NCK1: variants seen among roughly 807,000 people sequenced by gnomAD.
The protein encoded by NCK1 is SH2/SH3 adapter protein NCK1.
A neutral mutation model predicts 36.6 loss-of-function variants in NCK1; 19 were observed. That is an observed-to-expected ratio of 0.52 (90% CI 0.36 to 0.76). NCK1 has a LOEUF of 0.76. NCK1 is among the 30% of genes least tolerant of loss of function. The pLI is 0.00. For synonymous variants in NCK1, 165 were observed against 156.0 expected (o/e 1.06, Z -0.43); for missense variants, 358 against 445.6 (o/e 0.80, Z 1.77).
At chr3:136,890,474 C>A (rs1014342266) in intron 1 of NCK1, among the ~76,000 whole-genome samples, 3 of 152,224 alleles carry the variant, frequency 2.0e-5, no homozygotes, top group African/African-American at 7.2e-5. Flanking sequence ...CTGAAGGGCT[C>A]CTCAAGTGCT....
chr3:136,932,938 A>G (rs1940431586), intron 2 of NCK1, among the ~76,000 whole-genome samples: 1 of 152,264 alleles, frequency 6.6e-6, no homozygotes, highest in African/African-American at 2.4e-5. Flanking sequence ...TGCTTAAACT[A>G]AAGAATACTG....
chr3:136,945,500 C>G, intron 2 of NCK1, 83 bp from the exon 3 acceptor site: 2 of 987,634 alleles, frequency 2.0e-6, no homozygotes, highest in Non-Finnish European at 3.0e-6. Flanking sequence ...AGTTGAAGAT[C>G]TCTTTTTAAT....
intron 1 of NCK1, among the ~76,000 whole-genome samples, chr3:136,909,309 C>G (rs974544620): frequency 2.0e-5 from 3 of 152,016 alleles, no homozygotes; most frequent in Non-Finnish European, 2.9e-5. Context: ...CTTAAAAATA[C>G]GTAGAAGTTT....
chr3:136,871,267 G>T (rs560090103), intron 1 of NCK1, among the ~76,000 whole-genome samples: 5 of 152,130 alleles, frequency 3.3e-5, no homozygotes, highest in Non-Finnish European at 7.4e-5. Flanking sequence ...AGGTTTGGCT[G>T]TGAGCGTCTG....
At chr3:136,933,425 A>T (rs1004573945) in intron 2 of NCK1, among the ~76,000 whole-genome samples, 1 of 152,198 alleles carries the variant, frequency 6.6e-6, no homozygotes, top group South Asian at 2.1e-4. Flanking sequence ...ATGAAGAAGG[A>T]ATGTTCACAG....
Position 136,900,343 on chromosome 3 carries a change from C to A in NCK1, c.-18-27641C>A, listed in dbSNP as rs149633881. Among the ~76,000 whole-genome samples, 285 of 152,240 alleles carry A rather than the reference C, an allele frequency of 1.9e-3. 1 individual carries two copies. Among genetic ancestry groups the A allele is most frequent in the African/African-American group, 6.5e-3 (270 of 41,530 alleles). On this transcript the variant is annotated intron_variant, in intron 1 of 3. Coordinates refer to ENST00000481752, the MANE Select transcript of NCK1 (RefSeq NM_001291999.2). ...TACCATGCTGTTTTGGTTACTGTAA[C>A]CTTGTAATGTATTTTGAAGTCAGGT...
intron 1 of NCK1, among the ~76,000 whole-genome samples, chr3:136,923,105 ATG>A (rs34553311): frequency 6.0e-5 from 9 of 150,830 alleles, no homozygotes; most frequent in African/African-American, 1.2e-4. Flanking sequence ...GCCTATGTGT[ATG>A]TGTGTGTGTG....
At chr3:136,878,277 C>T (rs533604014) in intron 1 of NCK1, among the ~76,000 whole-genome samples, 6 of 152,122 alleles carry the variant, frequency 3.9e-5, no homozygotes, top group African/African-American at 1.4e-4. Context: ...GATGTGGTGG[C>T]AGGCACCTAT....
At chr3:136,869,802 T>A (rs1486024695) in intron 1 of NCK1, among the ~76,000 whole-genome samples, 2 of 152,068 alleles carry the variant, frequency 1.3e-5, no homozygotes, top group South Asian at 2.1e-4. Context: ...TTTCATTTAT[T>A]TTTTGGTTGT....
intron 3 of NCK1, 54 bp from the exon 4 acceptor site, chr3:136,948,205 C>A (rs568041345): frequency 1.5e-6 from 2 of 1,361,252 alleles, no homozygotes; most frequent in African/African-American, 3.0e-5. Flanking sequence ...TATAAAAATA[C>A]TGATAGAGGG....
chr3:136,881,464 C>T (rs1040474473), intron 1 of NCK1, among the ~76,000 whole-genome samples: 1 of 152,122 alleles, frequency 6.6e-6, no homozygotes, highest in Admixed American at 6.5e-5. Context: ...ATGATCTGCC[C>T]GCCTCGGCCT....
chr3:136,884,598 G>A (rs1438711341), intron 1 of NCK1, among the ~76,000 whole-genome samples: 1 of 151,984 alleles, frequency 6.6e-6, no homozygotes, highest in Non-Finnish European at 1.5e-5. Context: ...GTGGCACTAT[G>A]CCCGGCTAAT....
At chr3:136,873,954 T>C (rs1031082285) in intron 1 of NCK1, among the ~76,000 whole-genome samples, 3 of 152,216 alleles carry the variant, frequency 2.0e-5, no homozygotes, top group Non-Finnish European at 4.4e-5. Context: ...ACTAATACAG[T>C]AACCATATAG....
At chr3:136,918,327 G>A (rs1940017344) in intron 1 of NCK1, among the ~76,000 whole-genome samples, 1 of 149,988 alleles carries the variant, frequency 6.7e-6, no homozygotes, top group Admixed American at 6.6e-5. Context: ...CCAACCACAG[G>A]TAAAAAATAT....
At chr3:136,939,783 T>C (rs935541769) in intron 2 of NCK1, among the ~76,000 whole-genome samples, 1 of 151,810 alleles carries the variant, frequency 6.6e-6, no homozygotes, top group Admixed American at 6.6e-5. Context: ...CTAGGTTCAT[T>C]CCATTGTGGT....
At chr3:136,868,960 G>C (rs574713635) in intron 1 of NCK1, among the ~76,000 whole-genome samples, 1 of 152,058 alleles carries the variant, frequency 6.6e-6, no homozygotes, top group Non-Finnish European at 1.5e-5. Context: ...TGTTGAGGCC[G>C]GGCGCGGTGG....
chr3:136,917,685 T>C (rs762003763), intron 1 of NCK1, among the ~76,000 whole-genome samples: 10 of 152,206 alleles, frequency 6.6e-5, no homozygotes, highest in Non-Finnish European at 1.5e-4. Context: ...GTTACCTAGG[T>C]CAGTTCTCTC....
At chr3:136,937,676 A>G (rs1940568837) in intron 2 of NCK1, among the ~76,000 whole-genome samples, 4 of 152,068 alleles carry the variant, frequency 2.6e-5, no homozygotes, top group South Asian at 2.1e-4. Flanking sequence ...AATTATTCCT[A>G]TGTATCTTAT....
At chr3:136,925,859 G>T (rs1940223708) in intron 1 of NCK1, among the ~76,000 whole-genome samples, 1 of 152,216 alleles carries the variant, frequency 6.6e-6, no homozygotes, top group African/African-American at 2.4e-5. Flanking sequence ...CAGGGGTGCA[G>T]TTGCTAGCTT....
Sources: allele counts gnomAD v4.1 joint callset (sites outside exome capture counted in the v4.1 genomes callset), GRCh38; gene constraint gnomAD v4.1.1; transcripts MANE v1.5; gene names NCBI Gene and HGNC (gene_info 2026-07-23, HGNC 2026-07-21).